Variants in NINL observed in about 807,000 individuals in gnomAD.
NINL encodes ninein like.
A neutral mutation model predicts 160.3 loss-of-function variants in NINL; 153 were observed. That is an observed-to-expected ratio of 0.95 (90% CI 0.84 to 1.09). The LOEUF (loss-of-function observed/expected upper bound fraction) is 1.09. Ranked by LOEUF, NINL falls within the 50% of genes least tolerant of loss-of-function variation. The pLI, the probability that NINL is intolerant of heterozygous loss-of-function variation, is 0.00. For missense variants in NINL, 1,829 were observed against 1,764.0 expected (o/e 1.04, Z -0.66); for synonymous variants, 800 against 734.8 (o/e 1.09, Z -1.43).
In NINL at chr20:25,455,691, C is replaced by A. The variant is rs781696603; in HGVS notation, c.3939G>T (p.Val1313=). The change falls in exon 23 of 24, where the codon GTG becomes GTT. Residue 1313 remains valine (V), a synonymous_variant. Coordinates refer to ENST00000278886, the MANE Select transcript of NINL (RefSeq NM_025176.6). ...KNMEMLLQEK[V]DKLKEQFEKN... Reference sequence around the variant, plus strand: ...CACTCACCTGCTCCTTCAGCTTATCCACTTTCTCTTGGAGGAGCATTTCCA... The same window carrying A: ...CACTCACCTGCTCCTTCAGCTTATCAACTTTCTCTTGGAGGAGCATTTCCA... 2 of 1,613,746 alleles carry A rather than the reference C, an allele frequency of 1.2e-6. No individual in the cohort carries two copies. The highest frequency in any genetic ancestry group is 2.2e-5 in the South Asian group (2 of 91,078).
chr20:25,531,406 G>C (rs2064460742), intron 1 of NINL, among the ~76,000 whole-genome samples: 1 of 152,192 alleles, frequency 6.6e-6, no homozygotes, highest in Non-Finnish European at 1.5e-5. Context: ...GTAAAGACAG[G>C]CATAGGAAAT....
At position 25,550,306 on chromosome 20, in the gene NINL, T is replaced by G. The variant is rs148337091; in HGVS notation, c.-11-23708A>C. 4.2e-4 allele frequency among the ~76,000 whole-genome samples: 64 copies of G among 152,298 alleles called. No homozygotes were observed. In the East Asian group the frequency reaches 0.012, roughly 28 times the overall value. On this transcript the variant is annotated intron_variant, in intron 1 of 23. Coordinates refer to ENST00000278886, the MANE Select transcript of NINL (RefSeq NM_025176.6). ...GGGAGGACCACTTGAGCCGAGAGGTTAAGGCTGTGGTGACCCGTGACTGTG... is the reference window on the plus strand; with the variant it reads ...GGGAGGACCACTTGAGCCGAGAGGTGAAGGCTGTGGTGACCCGTGACTGTG...
At chr20:25,503,602 T>G (rs1401696697) in intron 7 of NINL, among the ~76,000 whole-genome samples, 7 of 149,494 alleles carry the variant, frequency 4.7e-5, no homozygotes, top group Non-Finnish European at 1.0e-4. Context: ...TTCTGTTGCA[T>G]CGGGTGGGCA....
intron 13 of NINL, among the ~76,000 whole-genome samples, chr20:25,484,223 AG>A (rs1309772695): frequency 2.0e-5 from 3 of 152,246 alleles, no homozygotes; most frequent in Non-Finnish European, 4.4e-5. Flanking sequence ...CAAAATACAA[AG>A]AAACCCCAAA....
chr20:25,559,892 C>T (rs2064913486), intron 1 of NINL, among the ~76,000 whole-genome samples: 1 of 152,064 alleles, frequency 6.6e-6, no homozygotes. Context: ...CAGGCGTGAG[C>T]CAGCATGCCC....
intron 9 of NINL, 62 bp downstream of exon 9, chr20:25,498,148 C>T (rs1568915219): frequency 1.3e-6 from 2 of 1,593,280 alleles, no homozygotes; most frequent in East Asian, 2.2e-5. Context: ...GTCCCAGACC[C>T]CCCTCCAGGC....
chr20:25,561,919 A>C (rs2064944892), intron 1 of NINL, among the ~76,000 whole-genome samples: 8 of 141,800 alleles, frequency 5.6e-5, no homozygotes, highest in South Asian at 2.4e-4. Flanking sequence ...AGCCCCCGCC[A>C]GGCCAGCCGC....
Position 25,504,002 on chromosome 20 carries a change from G to C in NINL, c.811C>G (p.Leu271Val). ...GGTTTAACCCGAGTGGAAGACTCTA[G>C]AAGTAGCGCGGGCTCATGACTGAAG... is the stretch of plus-strand genomic sequence containing the variant. Reference protein sequence around the residue: ...GLFSHEPALLLESSTRVKPSK... With the variant: ...GLFSHEPALLVESSTRVKPSK... Residue 271 changes from leucine (L) to valine (V), a missense_variant, in exon 7 of 24, where the codon CTA becomes GTA. Leu to Val is a conservative substitution (Grantham distance 32). Transcript: ENST00000278886. 3.7e-6 allele frequency: 6 copies of C among 1,614,086 alleles called. No homozygotes were observed. The highest frequency in any genetic ancestry group is 5.1e-6 in the Non-Finnish European group (6 of 1,179,986).
chr20:25,562,782 A>C (rs1048837918), intron 1 of NINL, among the ~76,000 whole-genome samples: 2 of 152,102 alleles, frequency 1.3e-5, no homozygotes, highest in Non-Finnish European at 2.9e-5. Flanking sequence ...AAAAAAAAAA[A>C]AACAAAAACA....
chr20:25,462,750 G>C (rs2062823588), intron 19 of NINL: 1 of 448,882 alleles, frequency 2.2e-6, no homozygotes, highest in Non-Finnish European at 4.0e-6. Context: ...GACCTCCTAG[G>C]CTCAGGCGAT....
chr20:25,579,928 T>G (rs1440825976), intron 1 of NINL, among the ~76,000 whole-genome samples: 1 of 152,214 alleles, frequency 6.6e-6, no homozygotes, highest in Non-Finnish European at 1.5e-5. Context: ...GCTTAAAAAC[T>G]GAGAGATTTT....
In NINL at chr20:25,519,867, G is replaced by A. The variant is rs2064230233; in HGVS notation, c.181-2018C>T. 2.0e-5 allele frequency among the ~76,000 whole-genome samples: 3 copies of A among 151,856 alleles called. No homozygotes were observed. In the South Asian group the frequency reaches 6.2e-4, roughly 32 times the overall value. The stretch of plus-strand genomic sequence containing the variant: ...AAAAATACAGTAATTAGCCGGGCAT[G>A]GCGGCATGTGCCTGTAGACCCAGCT... On this transcript the variant is annotated intron_variant, in intron 2 of 23. Coordinates refer to ENST00000278886, the MANE Select transcript of NINL (RefSeq NM_025176.6).
intron 8 of NINL, chr20:25,498,990 C>T (rs142947529): frequency 9.1e-5 from 90 of 985,466 alleles, no homozygotes; most frequent in East Asian, 3.4e-4. Flanking sequence ...AACGTTCTGT[C>T]GTGTTTGCTT....
Position 25,476,309 on chromosome 20 carries a change from G to GGCCTGCTCCTGGGTGC in NINL, c.2966_2981dup (p.Ser995HisfsTer68). 6.2e-7 allele frequency: 1 copy of GGCCTGCTCCTGGGTGC among 1,613,184 alleles called. No homozygotes were observed. Among genetic ancestry groups the GGCCTGCTCCTGGGTGC allele is most frequent in the Middle Eastern group, 1.7e-4 (1 of 6,026 alleles). ...CCTCGGCCCGGGCCTGCTGCTCCGA[G>GGCCTGCTCCTGGGTGC]GCCTGCTCCTGGGTGCCCCTGCTCC... On this transcript the variant is annotated frameshift_variant, in exon 17 of 24. Coordinates refer to ENST00000278886, the MANE Select transcript of NINL (RefSeq NM_025176.6). LOFTEE classifies it high-confidence loss of function.
At chr20:25,489,810 C>A (rs1044126686) in intron 12 of NINL, 65 bp downstream of exon 12, 1 of 1,400,738 alleles carries the variant, frequency 7.1e-7, no homozygotes, top group South Asian at 1.2e-5. Context: ...TGGCCACCCC[C>A]GCCACCCCCA....
chr20:25,568,303 A>T (rs1052687547), intron 1 of NINL, among the ~76,000 whole-genome samples: 21 of 151,990 alleles, frequency 1.4e-4, no homozygotes, highest in Non-Finnish European at 2.8e-4. Context: ...TTCTGCAGGC[A>T]TAATAGGATA....
At chr20:25,456,599 A>T (rs145559154) in intron 22 of NINL, among the ~76,000 whole-genome samples, 1,765 of 152,222 alleles carry the variant, frequency 0.012, 21 homozygotes, top group Non-Finnish European at 0.019. Flanking sequence ...AATATTTTAC[A>T]TTTTAAAAAG....
At chr20:25,582,028 G>A (rs566589470) in intron 1 of NINL, among the ~76,000 whole-genome samples, 6 of 152,032 alleles carry the variant, frequency 3.9e-5, no homozygotes, top group South Asian at 4.2e-4. Flanking sequence ...GAGGCCGAGC[G>A]GGGTGGATCA....
intron 1 of NINL, among the ~76,000 whole-genome samples, chr20:25,538,638 A>G (rs1413139382): frequency 6.6e-6 from 1 of 152,052 alleles, no homozygotes; most frequent in African/African-American, 2.4e-5. Context: ...GGTCACAGTG[A>G]TGGGTAGGAC....
Sources: gnomAD v4.1 joint callset for allele counts (sites outside exome capture counted in the v4.1 genomes callset) on GRCh38, gnomAD v4.1.1 for gene constraint, MANE v1.5 for transcripts, NCBI Gene and HGNC (gene_info 2026-07-23, HGNC 2026-07-21) for gene names.